Variants in SLC25A35 observed in about 807,000 individuals in gnomAD.
SLC25A35 encodes solute carrier family 25 member 35.
In SLC25A35, 32 loss-of-function variants were observed where a neutral mutation model predicts 30.5. That is an observed-to-expected ratio of 1.05 (90% CI 0.79 to 1.41). The LOEUF is 1.41. Ranked by LOEUF, SLC25A35 falls within the 40% of genes most tolerant of loss-of-function variation. SLC25A35 has a pLI of 0.00. For synonymous variants in SLC25A35, 142 were observed against 158.1 expected (o/e 0.90, Z 0.77); for missense variants, 369 against 388.0 (o/e 0.95, Z 0.41).
In SLC25A35 at chr17:8,293,931, T is replaced by TTTTTTTG. The variant is rs1491485762; in HGVS notation, c.375+501_375+502insCAAAAAA. Among the ~76,000 whole-genome samples, 20 of 126,882 alleles carry TTTTTTTG rather than the reference T, an allele frequency of 1.6e-4. 1 individual carries two copies. Among genetic ancestry groups the TTTTTTTG allele is most frequent in the African/African-American group, 5.1e-4 (17 of 33,518 alleles). The allele number at this position is 126,882 out of a possible 152,430, so 83.2% of individuals were successfully genotyped here. A position where few individuals can be genotyped will look rare whatever the true frequency, so the allele number is the denominator to read the frequency against. On this transcript the variant is annotated intron_variant, in intron 1 of 4. Coordinates refer to ENST00000577745, the MANE Select transcript of SLC25A35 (RefSeq NM_001320870.2). ...GCCCATAATCTTTTTTTTTTTTTTT[T>TTTTTTTG]GTGAGACGTAGCCTTGCTCTGTGGC...
rs556653523 is a variant in SLC25A35, at chr17:8,290,668, T to G, written c.740A>C (p.Tyr247Ser). The G allele has an allele frequency of 1.3e-5, 20 of 1,575,800 alleles. No homozygotes were observed. In the African/African-American group the frequency reaches 2.2e-4, roughly 17 times the overall value. ...CAGCAGAGCGTCCAGTATCCCCCGG[T>G]ACATGAGGCCCTGAGAGTGTGTCAG... ...PTDAQGKGLMYRGILDALLQT... is the reference protein window; with the variant it reads ...PTDAQGKGLMSRGILDALLQT... The change falls in exon 5 of 5, where the codon TAC becomes TCC. Residue 247 changes from tyrosine (Y) to serine (S), a missense_variant. Coordinates refer to ENST00000577745, the MANE Select transcript of SLC25A35 (RefSeq NM_001320870.2).
Position 8,291,415 on chromosome 17 carries a change from C to A in SLC25A35, c.512G>T (p.Gly171Val), listed in dbSNP as rs758129141. Residue 171 changes from glycine (G) to valine (V), a missense_variant, in exon 3 of 5, where the codon GGC becomes GTC. Transcript: ENST00000577745. ...GLVGLWRGAL[G>V]GLPRVIVGSS... ...ACCGACGATAACTCGGGGCAGGCCG[C>A]CCAGAGCCCCACGCCATAACCCCAC... The A allele has an allele frequency of 4.3e-6, 7 of 1,614,206 alleles. No homozygotes were observed. The South Asian group carries it at 7.7e-5, about 18-fold the overall frequency.
In SLC25A35 at chr17:8,290,544, C is replaced by T; in HGVS notation, c.864G>A (p.Trp288Ter). 1.3e-6 allele frequency: 2 copies of T among 1,535,966 alleles called. No homozygotes were observed. Among genetic ancestry groups the T allele is most frequent in the South Asian group, 1.2e-5 (1 of 84,046 alleles). ...TGTAGTAGAGGGAGCGCAGCTGGTCCCAGAAGAAGAGGGAGAGGATGGTGT... is the reference window on the plus strand; with the variant it reads ...TGTAGTAGAGGGAGCGCAGCTGGTCTCAGAAGAAGAGGGAGAGGATGGTGT... ...GPHTILSLFFWDQLRSLYYTD... is the reference protein window; with the variant it reads ...GPHTILSLFF The change falls in exon 5 of 5, where the codon TGG becomes TGA. Residue 288 changes from tryptophan (W) to a stop codon, truncating the protein, a stop_gained. Coordinates refer to ENST00000577745, the MANE Select transcript of SLC25A35 (RefSeq NM_001320870.2). LOFTEE classifies it high-confidence loss of function.
chr17:8,290,330 A>G lies in SLC25A35; in HGVS notation c.*175T>C. On this transcript the variant is annotated 3_prime_UTR_variant, in exon 5 of 5. Transcript: ENST00000577745. ...GGAAGGTTTAAAGCAACACCCAAGG[A>G]AAGAAGGGAAACTCATCTCTTGTAG... The G allele has an allele frequency of 7.0e-7, 1 of 1,433,686 alleles. No homozygotes were observed. Among genetic ancestry groups the G allele is most frequent in the Non-Finnish European group, 9.1e-7 (1 of 1,099,322 alleles). The allele number at this position is 1,433,686 out of a possible 1,614,324, so 88.8% of individuals were successfully genotyped here. A position where few individuals can be genotyped will look rare whatever the true frequency, so the allele number is the denominator to read the frequency against.
chr17:8,289,456 C>T, downstream of SLC25A35: 1 of 1,614,040 alleles, frequency 6.2e-7, no homozygotes, highest in Non-Finnish European at 8.5e-7. Context: ...AGGGCGGTAG[C>T]GGGGACGCAG....
intron 1 of SLC25A35, among the ~76,000 whole-genome samples, chr17:8,293,181 C>A (rs565261960): frequency 6.6e-6 from 1 of 152,292 alleles, no homozygotes; most frequent in South Asian, 2.1e-4. Context: ...GCTGTGTGAC[C>A]TTGAGTGGGT....
Position 8,294,940 on chromosome 17 carries a change from A to G in SLC25A35, c.-133T>C, listed in dbSNP as rs1007976120. On this transcript the variant is annotated 5_prime_UTR_variant, in exon 1 of 5. Coordinates refer to ENST00000577745, the MANE Select transcript of SLC25A35 (RefSeq NM_001320870.2). ...GCAGAAGATAAGAATTTAGATTTGCAGTCAAGGGTGTCAGGGTCAAATGTC... is the reference window on the plus strand; with the variant it reads ...GCAGAAGATAAGAATTTAGATTTGCGGTCAAGGGTGTCAGGGTCAAATGTC... The G allele has an allele frequency of 4.1e-6, 6 of 1,450,498 alleles. No homozygotes were observed. Among genetic ancestry groups the G allele is most frequent in the Admixed American group, 2.8e-5 (1 of 36,030 alleles). The allele number at this position is 1,450,498 out of a possible 1,614,324, so 89.9% of individuals were successfully genotyped here. A position where few individuals can be genotyped will look rare whatever the true frequency, so the allele number is the denominator to read the frequency against.
At chr17:8,292,344 G>A (rs1317716970) in intron 2 of SLC25A35, among the ~76,000 whole-genome samples, 179 bp downstream of exon 2, 1 of 152,234 alleles carries the variant, frequency 6.6e-6, no homozygotes, top group East Asian at 1.9e-4. Context: ...GGGCAACAGA[G>A]CGAGACTCCA....
At chr17:8,292,642 A>G in intron 1 of SLC25A35, 54 bp from the exon 2 acceptor site, 1 of 1,527,762 alleles carries the variant, frequency 6.5e-7, no homozygotes, top group Non-Finnish European at 9.1e-7. Context: ...CTCCTACCTG[A>G]GAACCAAATG....
Position 8,290,681 on chromosome 17 carries a change from G to A in SLC25A35, c.730-3C>T, listed in dbSNP as rs1006106081. ...AGTATCCCCCGGTACATGAGGCCCT[G>A]AGAGTGTGTCAGAGAGGGAGGGAGA... On this transcript the variant is annotated splice_polypyrimidine_tract_variant and splice_region_variant and intron_variant, in intron 4 of 4. Transcript: ENST00000577745. The A allele has an allele frequency of 3.8e-6, 6 of 1,590,010 alleles. No homozygotes were observed. The Admixed American group carries it at 5.2e-5, about 14-fold the overall frequency.
chr17:8,290,246 CTT>C lies in SLC25A35; in HGVS notation c.*257_*258del. The C allele has an allele frequency of 7.0e-7, 1 of 1,424,948 alleles. No homozygotes were observed. Among genetic ancestry groups the C allele is most frequent in the Non-Finnish European group, 9.1e-7 (1 of 1,094,914 alleles). 88.3% of individuals were successfully genotyped at this position (1,424,948 alleles called of 1,614,324 possible). Reference sequence around the variant, plus strand: ...GCAGTGGTGAGTGGGAGGAAATACACTTTGGGATGACTCGTTCAGCCCTGAGA... The same window carrying C: ...GCAGTGGTGAGTGGGAGGAAATACACTGGGATGACTCGTTCAGCCCTGAGA... On this transcript the variant is annotated 3_prime_UTR_variant, in exon 5 of 5. Coordinates refer to ENST00000577745, the MANE Select transcript of SLC25A35 (RefSeq NM_001320870.2).
Position 8,290,094 on chromosome 17 carries a change from C to T in SLC25A35, c.*411G>A, listed in dbSNP as rs1410594858. Reference sequence around the variant, plus strand: ...AAACTTGCTTTATAATCAATATAATCTCTGTGCCTTTGAATCTAACAGGAC... The same window carrying T: ...AAACTTGCTTTATAATCAATATAATTTCTGTGCCTTTGAATCTAACAGGAC... On this transcript the variant is annotated 3_prime_UTR_variant, in exon 5 of 5. Coordinates refer to ENST00000577745, the MANE Select transcript of SLC25A35 (RefSeq NM_001320870.2). The T allele has an allele frequency of 2.0e-6, 3 of 1,519,322 alleles. No individual in the cohort carries two copies. The highest frequency in any genetic ancestry group is 2.6e-6 in the Non-Finnish European group (3 of 1,134,932). The allele number at this position is 1,519,322 out of a possible 1,614,324, so 94.1% of individuals were successfully genotyped here. A position where few individuals can be genotyped will look rare whatever the true frequency, so the allele number is the denominator to read the frequency against.
Position 8,290,512 on chromosome 17 carries a change from G to T in SLC25A35, c.896C>A (p.Thr299Asn). Residue 299 changes from threonine (T) to asparagine (N), a missense_variant, in exon 5 of 5, where the codon ACT (threonine) becomes AAT (asparagine). Coordinates refer to ENST00000577745, the MANE Select transcript of SLC25A35 (RefSeq NM_001320870.2). ...AGACTGGGAAAGCGGCTGTTATTTA[G>T]TGTCTGTGTAGTAGAGGGAGCGCAG... ...DQLRSLYYTD[T>N]K The T allele has an allele frequency of 1.3e-6, 2 of 1,535,986 alleles. No individual in the cohort carries two copies. Among genetic ancestry groups the T allele is most frequent in the Non-Finnish European group, 1.7e-6 (2 of 1,146,812 alleles).
downstream of SLC25A35, chr17:8,289,456 C>G (rs1990305552): frequency 6.2e-7 from 1 of 1,613,922 alleles, no homozygotes; most frequent in African/African-American, 1.3e-5. Context: ...AGGGCGGTAG[C>G]GGGGACGCAG....
rs1990769742 is a variant in SLC25A35 at position 8,295,034 on chromosome 17, G to A, written c.-227C>T. The A allele has an allele frequency of 2.2e-6, 3 of 1,359,542 alleles. No homozygotes were observed. The Admixed American group carries it at 1.0e-4, about 47-fold the overall frequency. The allele number at this position is 1,359,542 out of a possible 1,614,324, so 84.2% of individuals were successfully genotyped here. The stretch of plus-strand genomic sequence containing the variant: ...AAGCAGGGAAGAGATAGAAATCTAG[G>A]AGATTCTGGTGAGAAGCTTAAGGCA... On this transcript the variant is annotated 5_prime_UTR_variant, in exon 1 of 5. Transcript: ENST00000577745.
At chr17:8,289,624 G>A (rs1391133097), downstream of SLC25A35, 1 of 1,607,642 alleles carries the variant, frequency 6.2e-7, no homozygotes, top group Non-Finnish European at 8.5e-7. Context: ...TCTCATGACT[G>A]GGTTCCCAGG....
At chr17:8,292,419 T>C (rs1990576025) in intron 2 of SLC25A35, 104 bp downstream of exon 2, 6 of 1,143,454 alleles carry the variant, frequency 5.2e-6, no homozygotes, top group African/African-American at 1.5e-5. Flanking sequence ...AACCGATGGG[T>C]TGAGCAGAGC....
rs747242313 is a variant in SLC25A35, at chr17:8,292,599, G to C, written c.376-11C>G. ...CAGGTGTGTCTTCACCTGGGAACAA[G>C]AGAATATCATAGCCTGTGCCCCAGT... On this transcript the variant is annotated splice_polypyrimidine_tract_variant and intron_variant, in intron 1 of 4. Coordinates refer to ENST00000577745, the MANE Select transcript of SLC25A35 (RefSeq NM_001320870.2). The C allele has an allele frequency of 1.9e-6, 3 of 1,613,982 alleles. No homozygotes were observed. In the South Asian group the frequency reaches 3.3e-5, roughly 18 times the overall value.
At chr17:8,288,989 T>C, downstream of SLC25A35, 1 of 1,614,106 alleles carries the variant, frequency 6.2e-7, no homozygotes, top group Non-Finnish European at 8.5e-7. Flanking sequence ...ATCAAGAAGT[T>C]TTCTGCCATC....
Sources: gnomAD v4.1 joint callset for allele counts (sites outside exome capture counted in the v4.1 genomes callset) on GRCh38, gnomAD v4.1.1 for gene constraint, MANE v1.5 for transcripts, NCBI Gene and HGNC (gene_info 2026-07-23, HGNC 2026-07-21) for gene names.